The following PACRG variants were observed in gnomAD, a reference collection of about 807,000 sequenced individuals.
PACRG encodes the protein parkin coregulated, also known as parkin coregulated gene protein.
PACRG carries 29 observed loss-of-function variants against 29.7 expected under a neutral mutation model. That is an observed-to-expected ratio of 0.98 (90% CI 0.73 to 1.33). PACRG has a LOEUF of 1.33. Among genes scored for constraint, PACRG ranks in the 40% most tolerant of loss-of-function variants. PACRG has a pLI of 0.00. For missense variants in PACRG, 279 were observed against 316.2 expected, an observed-to-expected ratio of 0.88 and a Z score of 0.89; for synonymous variants, 116 against 118.7, an observed-to-expected ratio of 0.98 and a Z score of 0.15.
chr6:163,121,669 T>C (rs1005970171), intron 4 of PACRG, among the ~76,000 whole-genome samples: 1 of 149,496 alleles, frequency 6.7e-6, no homozygotes. Context: ...TAATCTTTTT[T>C]TTTTTTTTTT....
intron 1 of PACRG, among the ~76,000 whole-genome samples, chr6:162,789,349 A>C (rs1003638609): frequency 7.2e-5 from 11 of 152,144 alleles, no homozygotes; most frequent in African/African-American, 2.7e-4. Context: ...CTAGGTAACA[A>C]AGTTTTGTTG....
At chr6:163,076,481 A>T (rs1812553597) in intron 3 of PACRG, among the ~76,000 whole-genome samples, 1 of 152,162 alleles carries the variant, frequency 6.6e-6, no homozygotes, top group Non-Finnish European at 1.5e-5. Flanking sequence ...GTAGGGAAAA[A>T]GCTTTCAACT....
At chr6:163,123,851 G>A (rs1229141924) in intron 4 of PACRG, among the ~76,000 whole-genome samples, 1 of 152,140 alleles carries the variant, frequency 6.6e-6, no homozygotes, top group Non-Finnish European at 1.5e-5. Context: ...AGCCAGGATA[G>A]TATTCTACTA....
At chr6:163,249,401 C>A (rs952512089) in intron 4 of PACRG, among the ~76,000 whole-genome samples, 2 of 152,152 alleles carry the variant, frequency 1.3e-5, no homozygotes, top group Non-Finnish European at 2.9e-5. Context: ...TCATTTGTTA[C>A]ATTTATTTGA....
At chr6:163,229,276 G>T (rs1781929132) in intron 4 of PACRG, among the ~76,000 whole-genome samples, 1 of 152,150 alleles carries the variant, frequency 6.6e-6, no homozygotes, top group Admixed American at 6.5e-5. Context: ...TTGAGCCCAG[G>T]AGTTAGAGGC....
Position 162,869,112 on chromosome 6 carries a change from T to TG in PACRG, c.291+54835dup, listed in dbSNP as rs137904274. On this transcript the variant is annotated intron_variant, in intron 2 of 4. Coordinates refer to ENST00000366888, the MANE Select transcript of PACRG (RefSeq NM_001080379.2). Reference sequence around the variant, plus strand: ...GAGGAAGAGAACAGCAAAGATTTGCTGGGGTTTGCCACTGAATAGCAGCAA... The same window carrying TG: ...GAGGAAGAGAACAGCAAAGATTTGCTGGGGGTTTGCCACTGAATAGCAGCAA... Among the ~76,000 whole-genome samples the TG allele has an allele frequency of 2.8e-4, 43 of 152,304 alleles. No homozygotes were observed. The East Asian group carries it at 5.8e-3, about 21-fold the overall frequency.
intron 4 of PACRG, among the ~76,000 whole-genome samples, chr6:163,269,935 G>GAAAAC (rs1239513842): frequency 9.3e-4 from 14 of 15,086 alleles, no homozygotes; most frequent in Non-Finnish European, 1.1e-3. Flanking sequence ...AGAAAACAAA[G>GAAAAC]AAAGAAAGAA....
At chr6:162,954,514 C>T (rs530402873) in intron 2 of PACRG, among the ~76,000 whole-genome samples, 6,907 of 149,844 alleles carry the variant, frequency 0.046, 549 homozygotes, top group African/African-American at 0.16. Context: ...TATTTTTTTA[C>T]TGCACAACCC....
At position 162,945,281 on chromosome 6, in the gene PACRG, G is replaced by T. The variant is rs192313429; in HGVS notation, c.292-116869G>T. ...ACAAGAAACTAATCTCACCTGTAAA[G>T]ACACATATAGACTGCCAGTAAGTGA... On this transcript the variant is annotated intron_variant, in intron 2 of 4. Transcript: ENST00000366888. Among the ~76,000 whole-genome samples, 364 of 151,982 alleles carry T rather than the reference G, an allele frequency of 2.4e-3. 1 individual carries two copies. The highest frequency in any genetic ancestry group is 4.0e-3 in the Non-Finnish European group (272 of 67,916).
At chr6:163,022,845 CTCTT>C (rs1223596406) in intron 2 of PACRG, among the ~76,000 whole-genome samples, 1 of 152,186 alleles carries the variant, frequency 6.6e-6, no homozygotes, top group Non-Finnish European at 1.5e-5. Context: ...TTTCCTGCTT[CTCTT>C]TCTTTGAGAT....
chr6:163,313,395 A>G (rs1235782881), intron 4 of PACRG, among the ~76,000 whole-genome samples: 1 of 152,160 alleles, frequency 6.6e-6, no homozygotes, highest in Non-Finnish European at 1.5e-5. Flanking sequence ...TATTGTGTGT[A>G]TATCACAGAA....
intron 4 of PACRG, among the ~76,000 whole-genome samples, chr6:163,108,021 T>C (rs1815480602): frequency 6.6e-6 from 1 of 152,184 alleles, no homozygotes; most frequent in African/African-American, 2.4e-5. Flanking sequence ...GCTATCTAAG[T>C]TTTAGGTTTG....
At chr6:162,834,430 A>G (rs1403461020) in intron 2 of PACRG, among the ~76,000 whole-genome samples, 4 of 152,220 alleles carry the variant, frequency 2.6e-5, no homozygotes, top group Non-Finnish European at 4.4e-5. Flanking sequence ...TAAAAATGAT[A>G]TAAGTTGTTT....
chr6:163,036,925 T>A (rs1808255511), intron 2 of PACRG, among the ~76,000 whole-genome samples: 1 of 151,558 alleles, frequency 6.6e-6, no homozygotes. Context: ...TTCACCCAGG[T>A]CTCTGTGACA....
At chr6:162,935,780 T>C (rs764590214) in intron 2 of PACRG, among the ~76,000 whole-genome samples, 1 of 152,188 alleles carries the variant, frequency 6.6e-6, no homozygotes, top group Non-Finnish European at 1.5e-5. Flanking sequence ...GGAACATTTC[T>C]TTCTGAGAAA....
chr6:162,832,743 C>A (rs1015551466), intron 2 of PACRG, among the ~76,000 whole-genome samples: 4 of 151,164 alleles, frequency 2.6e-5, no homozygotes, highest in African/African-American at 7.3e-5. Flanking sequence ...GCATTGTGAG[C>A]TATGGTTTTA....
intron 2 of PACRG, among the ~76,000 whole-genome samples, chr6:163,054,351 G>T (rs1810339418): frequency 6.6e-6 from 1 of 152,124 alleles, no homozygotes; most frequent in Middle Eastern, 3.2e-3. Context: ...GAAGGTGACT[G>T]TCTACAAGCC....
intron 4 of PACRG, among the ~76,000 whole-genome samples, chr6:163,296,203 A>T (rs989568782): frequency 6.6e-6 from 1 of 152,216 alleles, no homozygotes; most frequent in East Asian, 1.9e-4. Context: ...AGAACTAATT[A>T]AAAAGGGAGT....
intron 4 of PACRG, chr6:163,183,464 T>G (rs978897153): frequency 2.6e-5 from 4 of 152,110 alleles, no homozygotes; most frequent in Admixed American, 2.6e-4. Flanking sequence ...GAAGAGTGTG[T>G]GTTGACTCTG....
Sources: gnomAD v4.1 joint callset for allele counts (sites outside exome capture counted in the v4.1 genomes callset) on GRCh38, gnomAD v4.1.1 for gene constraint, MANE v1.5 for transcripts, NCBI Gene and HGNC (gene_info 2026-07-23, HGNC 2026-07-21) for gene names.